DNAH6: variants seen among roughly 807,000 people sequenced by gnomAD.
DNAH6 encodes axonemal beta dynein heavy chain 6.
DNAH6 carries 340 observed loss-of-function variants against 491.4 expected under a neutral mutation model. The ratio of observed to expected loss-of-function variants is 0.69; its 90% CI spans 0.63 to 0.76. The LOEUF is 0.76. Among genes scored for constraint, DNAH6 ranks in the 30% least tolerant of loss-of-function variants. DNAH6 has a pLI of 0.00. For missense variants in DNAH6, 4,443 were observed against 4,972.2 expected, an observed-to-expected ratio of 0.89 and a Z score of 3.20; for synonymous variants, 1,603 against 1,686.1, an observed-to-expected ratio of 0.95 and a Z score of 1.21.
intron 11 of DNAH6, among the ~76,000 whole-genome samples, chr2:84,566,697 A>G (rs1486470060): frequency 6.6e-6 from 1 of 152,026 alleles, no homozygotes; most frequent in East Asian, 1.9e-4. Context: ...ATAACTACCA[A>G]AAATGTTGAA....
Position 84,625,079 on chromosome 2 carries a change from C to A in DNAH6, c.4515+16C>A. ...GGACTACAAGGTACAGTTCTTGCAT[C>A]TGAATATTAACATTAAGTGTTTTAT... On this transcript the variant is annotated intron_variant, in intron 29 of 76. Coordinates refer to ENST00000389394, the MANE Select transcript of DNAH6 (RefSeq NM_001370.2). 1 of 1,496,472 alleles carries A rather than the reference C, an allele frequency of 6.7e-7. No individual in the cohort carries two copies. Among genetic ancestry groups the A allele is most frequent in the South Asian group, 1.4e-5 (1 of 73,744 alleles). 92.7% of individuals were successfully genotyped at this position (1,496,472 alleles called of 1,614,324 possible).
intron 63 of DNAH6, 124 bp from the exon 64 acceptor site, chr2:84,762,631 C>A: frequency 3.1e-6 from 2 of 643,862 alleles, no homozygotes; most frequent in Non-Finnish European, 5.4e-6. Flanking sequence ...GATGTATACC[C>A]AATCAAGACA....
chr2:84,519,948 A>C (rs1489714247), intron 2 of DNAH6, among the ~76,000 whole-genome samples: 1 of 152,086 alleles, frequency 6.6e-6, no homozygotes, highest in Admixed American at 6.6e-5. Context: ...AATAAATACA[A>C]TACTCTCCAT....
At chr2:84,789,513 A>G (rs554632230) in intron 68 of DNAH6, among the ~76,000 whole-genome samples, 1 of 152,324 alleles carries the variant, frequency 6.6e-6, no homozygotes, top group South Asian at 2.1e-4. Flanking sequence ...GCAAAGTACA[A>G]TCAAAGCAAT....
At chr2:84,710,560 A>G in intron 56 of DNAH6, 148 bp downstream of exon 56, 1 of 745,620 alleles carries the variant, frequency 1.3e-6, no homozygotes, top group Non-Finnish European at 2.2e-6. Context: ...TCCTTAAACA[A>G]TACATTATCA....
At chr2:84,566,884 T>C (rs1681253746) in intron 11 of DNAH6, among the ~76,000 whole-genome samples, 1 of 152,058 alleles carries the variant, frequency 6.6e-6, no homozygotes, top group African/African-American at 2.4e-5. Flanking sequence ...GAAACAAATA[T>C]GAATTTTTCA....
At chr2:84,818,689 G>A (rs1199486421) in intron 76 of DNAH6, among the ~76,000 whole-genome samples, 1 of 152,080 alleles carries the variant, frequency 6.6e-6, no homozygotes, top group Non-Finnish European at 1.5e-5. Context: ...CAAGGGGGCG[G>A]CAAAAGAAGC....
chr2:84,701,052 T>C (rs745654347), intron 48 of DNAH6, 45 bp from the exon 49 acceptor site: 54 of 1,539,476 alleles, frequency 3.5e-5, no homozygotes, highest in African/African-American at 5.5e-5. Context: ...CTGTATGTTA[T>C]TGAAATGACA....
chr2:84,662,503 T>TGCTAGCAC (rs1237125542), intron 37 of DNAH6, among the ~76,000 whole-genome samples: 8 of 152,286 alleles, frequency 5.3e-5, no homozygotes, highest in African/African-American at 1.9e-4. Context: ...CCTCACTCAC[T>TGCTAGCAC]GCTAGCACAG....
At chr2:84,812,213 G>A in intron 72 of DNAH6, 128 bp from the exon 73 acceptor site, 4 of 731,884 alleles carry the variant, frequency 5.5e-6, no homozygotes, top group Non-Finnish European at 9.0e-6. Flanking sequence ...AGCAGACAGT[G>A]TGCAAAGAGG....
At chr2:84,702,547 T>G (rs1354673512) in intron 49 of DNAH6, among the ~76,000 whole-genome samples, 2 of 150,386 alleles carry the variant, frequency 1.3e-5, no homozygotes, top group African/African-American at 4.9e-5. Context: ...ACCAGCTTTT[T>G]TTTTTTTTTT....
At position 84,528,924 on chromosome 2, in the gene DNAH6, G is replaced by A. The variant is rs1676880494; in HGVS notation, c.420G>A (p.Glu140=). 1 of 1,548,578 alleles carries A rather than the reference G, an allele frequency of 6.5e-7. No individual in the cohort carries two copies. The change falls in exon 4 of 77, where the codon GAG becomes GAA. Residue 140 remains glutamate, a synonymous_variant. Coordinates refer to ENST00000389394, the MANE Select transcript of DNAH6 (RefSeq NM_001370.2). ...TTTAGATTCATCGGCCCTATGTTGAGGTGTTCTCTCCCTCTCCTCCTAAAC... is the reference window on the plus strand; with the variant it reads ...TTTAGATTCATCGGCCCTATGTTGAAGTGTTCTCTCCCTCTCCTCCTAAAC... ...KKMQIHRPYV[E]VFSPSPPKLP...
intron 40 of DNAH6, among the ~76,000 whole-genome samples, chr2:84,676,428 A>G (rs1187225009): frequency 6.6e-6 from 1 of 152,194 alleles, no homozygotes. Context: ...AAAAAAATGA[A>G]TGAGTTTGAT....
At chr2:84,776,532 A>C (rs1232448212) in intron 64 of DNAH6, among the ~76,000 whole-genome samples, 1 of 152,250 alleles carries the variant, frequency 6.6e-6, no homozygotes, top group Non-Finnish European at 1.5e-5. Context: ...TAGCCTAGAC[A>C]GTGAAATGAT....
At chr2:84,709,282 A>G in intron 54 of DNAH6, 61 bp from the exon 55 acceptor site, 1 of 1,512,588 alleles carries the variant, frequency 6.6e-7, no homozygotes, top group Non-Finnish European at 9.0e-7. Context: ...CACATTTTGC[A>G]TGTGCCCTCG....
chr2:84,538,046 C>A (rs1176493146), intron 4 of DNAH6, among the ~76,000 whole-genome samples: 2 of 152,082 alleles, frequency 1.3e-5, no homozygotes, highest in African/African-American at 2.4e-5. Context: ...GATTGATATA[C>A]CCATTTTACA....
chr2:84,512,110 G>A (rs187374309), upstream of DNAH6, among the ~76,000 whole-genome samples: 27 of 152,128 alleles, frequency 1.8e-4, 1 homozygote, highest in Admixed American at 1.1e-3. Flanking sequence ...TTTTTCAGGC[G>A]TGTTTGTTTT....
intron 63 of DNAH6, among the ~76,000 whole-genome samples, chr2:84,758,311 T>C (rs972862371): frequency 3.9e-5 from 6 of 152,212 alleles, no homozygotes; most frequent in Non-Finnish European, 8.8e-5. Flanking sequence ...GGAACACTTT[T>C]CAGCAAAGTA....
At chr2:84,664,361 G>T (rs568871050) in intron 37 of DNAH6, among the ~76,000 whole-genome samples, 7 of 152,078 alleles carry the variant, frequency 4.6e-5, no homozygotes, top group African/African-American at 1.7e-4. Flanking sequence ...CCCATCTCAC[G>T]TGCAAAGACA....
Sources: gnomAD v4.1 joint callset for allele counts (sites outside exome capture counted in the v4.1 genomes callset) on GRCh38, gnomAD v4.1.1 for gene constraint, MANE v1.5 for transcripts, NCBI Gene and HGNC (gene_info 2026-07-23, HGNC 2026-07-21) for gene names.